C3orf22: variants seen among roughly 807,000 people sequenced by gnomAD.
C3orf22 encodes chromosome 3 open reading frame 22.
A neutral mutation model predicts 10.8 loss-of-function variants in C3orf22; 7 were observed. The ratio of observed to expected loss-of-function variants is 0.65; its 90% CI spans 0.37 to 1.22. The LOEUF (loss-of-function observed/expected upper bound fraction) is 1.22. Among genes scored for constraint, C3orf22 ranks in the 50% most tolerant of loss-of-function variants. C3orf22 has a pLI of 0.02. For missense variants in C3orf22, 173 were observed against 177.0 expected, an observed-to-expected ratio of 0.98 and a Z score of 0.13; for synonymous variants, 79 against 78.9, an observed-to-expected ratio of 1.00 and a Z score of 0.00.
At chr3:126,540,468 C>G (rs1408194421) in intron 4 of C3orf22, among the ~76,000 whole-genome samples, 1 of 152,166 alleles carries the variant, frequency 6.6e-6, no homozygotes, top group Non-Finnish European at 1.5e-5. Flanking sequence ...AGGGACCTCA[C>G]TAAGTGGGAC....
chr3:126,545,238 G>A (rs1211885026), downstream of C3orf22, among the ~76,000 whole-genome samples: 1 of 152,222 alleles, frequency 6.6e-6, no homozygotes, highest in African/African-American at 2.4e-5. Context: ...AAGGTCACGC[G>A]GCATTTTAAC....
rs188586563 is a variant in C3orf22, at chr3:126,554,533, G to C, written c.-40-1103C>G. ...TCCGCCTCGGCCTCCCAAAGTGTTG[G>C]GATTACAGGCGTGAGCCACCGCGCC... On this transcript the variant is annotated intron_variant, in intron 1 of 3. Coordinates refer to ENST00000318225, the MANE Select transcript of C3orf22 (RefSeq NM_152533.3). Among the ~76,000 whole-genome samples, 166 of 152,226 alleles carry C rather than the reference G, an allele frequency of 1.1e-3. No homozygotes were observed. In the Middle Eastern group the frequency reaches 0.041, roughly 38 times the overall value.
intron 5 of C3orf22, among the ~76,000 whole-genome samples, chr3:126,528,691 A>AG (rs1263077564): frequency 6.6e-6 from 1 of 152,134 alleles, no homozygotes; most frequent in Non-Finnish European, 1.5e-5. Context: ...ACTGTGCTCA[A>AG]GGGGGATCTG....
At chr3:126,542,725 C>G in intron 4 of C3orf22, 1 of 1,238,528 alleles carries the variant, frequency 8.1e-7, no homozygotes, top group Non-Finnish European at 1.0e-6. Flanking sequence ...GCAGGGCACA[C>G]CTGGCCAGGC....
chr3:126,542,554 C>G, intron 4 of C3orf22: 2 of 1,510,172 alleles, frequency 1.3e-6, no homozygotes, highest in South Asian at 2.6e-5. Flanking sequence ...ACTACTCCGC[C>G]CCCTCCTACC....
chr3:126,541,874 C>T, intron 4 of C3orf22: 1 of 1,598,586 alleles, frequency 6.3e-7, no homozygotes, highest in Non-Finnish European at 8.5e-7. Flanking sequence ...GCATGGCCTG[C>T]TCTACTGCTA....
At chr3:126,531,844 C>T (rs1161803438) in intron 4 of C3orf22, among the ~76,000 whole-genome samples, 1 of 152,216 alleles carries the variant, frequency 6.6e-6, no homozygotes, top group Admixed American at 6.5e-5. Context: ...TGCTGGGTTG[C>T]ATGGTAATTC....
At chr3:126,550,215 C>T (rs755650033) in intron 3 of C3orf22, 137 bp from the exon 4 acceptor site, 96 of 940,458 alleles carry the variant, frequency 1.0e-4, no homozygotes, top group Non-Finnish European at 1.1e-4. Flanking sequence ...CTTGACCTGG[C>T]CCCTTCCACA....
chr3:126,554,565 G>A (rs1020973022), intron 1 of C3orf22, among the ~76,000 whole-genome samples: 7 of 152,116 alleles, frequency 4.6e-5, no homozygotes, highest in East Asian at 1.9e-4. Flanking sequence ...CGCCTGGCCC[G>A]GCTGTACATA....
downstream of C3orf22, among the ~76,000 whole-genome samples, chr3:126,549,274 TAC>T (rs1937127083): frequency 7.7e-6 from 1 of 129,304 alleles, no homozygotes; most frequent in East Asian, 2.2e-4. Flanking sequence ...CACACACACA[TAC>T]ACACACCGTT....
intron 4 of C3orf22, among the ~76,000 whole-genome samples, chr3:126,537,321 G>A (rs576267079): frequency 2.6e-5 from 4 of 152,210 alleles, no homozygotes; most frequent in Non-Finnish European, 4.4e-5. Flanking sequence ...GAGCACAAGG[G>A]GAGCCTGGAG....
At chr3:126,543,814 A>T (rs1161873581) in intron 4 of C3orf22, among the ~76,000 whole-genome samples, 1 of 152,144 alleles carries the variant, frequency 6.6e-6, no homozygotes, top group Non-Finnish European at 1.5e-5. Flanking sequence ...GAGCTCCCCC[A>T]GGGCTGTGTC....
At chr3:126,551,965 G>A (rs780055563) in intron 3 of C3orf22, 32 bp downstream of exon 3, 1 of 1,570,808 alleles carries the variant, frequency 6.4e-7, no homozygotes, top group Non-Finnish European at 8.6e-7. Flanking sequence ...CACACAGCCA[G>A]TGGGGGTGGT....
At chr3:126,555,163 A>G (rs1389056648) in intron 1 of C3orf22, among the ~76,000 whole-genome samples, 1 of 152,156 alleles carries the variant, frequency 6.6e-6, no homozygotes, top group Non-Finnish European at 1.5e-5. Flanking sequence ...TGGAGGCTGC[A>G]CTTCACCAGA....
At chr3:126,556,239 A>G (rs1337090256) in intron 1 of C3orf22, among the ~76,000 whole-genome samples, 1 of 152,142 alleles carries the variant, frequency 6.6e-6, no homozygotes, top group Non-Finnish European at 1.5e-5. Flanking sequence ...GAGATGCACT[A>G]GGCCATGCAC....
At chr3:126,551,518 C>A (rs1244973889) in intron 3 of C3orf22, among the ~76,000 whole-genome samples, 1 of 152,222 alleles carries the variant, frequency 6.6e-6, no homozygotes, top group African/African-American at 2.4e-5. Flanking sequence ...TCTTTGAGCG[C>A]CCCATGCATG....
chr3:126,543,720 G>C (rs1276724284), intron 4 of C3orf22, among the ~76,000 whole-genome samples: 1 of 142,718 alleles, frequency 7.0e-6, no homozygotes, highest in Non-Finnish European at 1.6e-5. Context: ...GAGTGTGCAT[G>C]TGTGCATGAG....
chr3:126,535,592 C>T (rs1216380461), intron 4 of C3orf22, among the ~76,000 whole-genome samples: 3 of 148,566 alleles, frequency 2.0e-5, no homozygotes, highest in Non-Finnish European at 4.5e-5. Flanking sequence ...TTTCCTCAGT[C>T]GGGAGACAGC....
In C3orf22 at chr3:126,529,841, C is replaced by T. The variant is rs541028776; in HGVS notation, c.287-469G>A. On this transcript the variant is annotated intron_variant and NMD_transcript_variant, in intron 4 of 5. Transcript: ENST00000505070. ...GTTTCCTTTTTCTAAGCAGTCACCG[C>T]GTGGCTTTCCCTGTGCTGCTCTGGG... is the stretch of plus-strand genomic sequence containing the variant. 3.3e-5 allele frequency among the ~76,000 whole-genome samples: 5 copies of T among 152,336 alleles called. No homozygotes were observed. In the South Asian group the frequency reaches 8.3e-4, roughly 25 times the overall value.
Sources: gnomAD v4.1 joint callset for allele counts (sites outside exome capture counted in the v4.1 genomes callset) on GRCh38, gnomAD v4.1.1 for gene constraint, MANE v1.5 for transcripts, NCBI Gene and HGNC (gene_info 2026-07-23, HGNC 2026-07-21) for gene names.